The following SULF2 variants were observed in gnomAD, a reference collection of about 807,000 sequenced individuals.
SULF2 encodes the protein extracellular sulfatase Sulf-2.
SULF2 carries 52 observed loss-of-function variants against 107.7 expected under a neutral mutation model. The observed-to-expected ratio is 0.48, with a 90% CI of 0.39 to 0.61. The LOEUF is 0.61. Ranked by LOEUF, SULF2 falls within the 20% of genes least tolerant of loss-of-function variation. SULF2 has a pLI of 0.00. For missense variants in SULF2, 993 were observed against 1,177.3 expected (o/e 0.84, Z 2.29); for synonymous variants, 460 against 464.3 (o/e 0.99, Z 0.12).
chr20:47,676,400 G>A lies in SULF2; in HGVS notation c.1380+94C>T, dbSNP rs6125070. 4.2e-6 allele frequency: 6 copies of A among 1,438,528 alleles called. No homozygotes were observed. In the African/African-American group the frequency reaches 5.6e-5, roughly 13 times the overall value. The allele number at this position is 1,438,528 out of a possible 1,614,324, so 89.1% of individuals were successfully genotyped here. ...AAAGGACTACCCGTTGGGAGGCCCT[G>A]GCCCTGCTGGCTCAGCGGCTCTCAG... On this transcript the variant is annotated intron_variant, in intron 10 of 20. Coordinates refer to ENST00000688720, the MANE Select transcript of SULF2 (RefSeq NM_001387048.1).
rs143974642 is a variant in SULF2 at position 47,702,491 on chromosome 20, C to G, written c.567+28G>C. ...CTCTAACTGCTGGGCCACACAGCCACTCCCAGGCTGGAAAGGTTGCAGCTT... is the reference window on the plus strand; with the variant it reads ...CTCTAACTGCTGGGCCACACAGCCAGTCCCAGGCTGGAAAGGTTGCAGCTT... On this transcript the variant is annotated intron_variant, in intron 4 of 20. Transcript: ENST00000688720. The G allele has an allele frequency of 2.8e-4, 453 of 1,605,912 alleles. 1 individual carries two copies. The African/African-American group carries it at 5.1e-3, about 18-fold the overall frequency.
At chr20:47,732,326 G>A (rs2089632551) in intron 3 of SULF2, among the ~76,000 whole-genome samples, 1 of 152,214 alleles carries the variant, frequency 6.6e-6, no homozygotes, top group Non-Finnish European at 1.5e-5. Flanking sequence ...AGACACAGAA[G>A]CTAAATAACT....
intron 1 of SULF2, among the ~76,000 whole-genome samples, chr20:47,757,948 C>T (rs1480621493): frequency 6.6e-6 from 1 of 152,012 alleles, no homozygotes; most frequent in Non-Finnish European, 1.5e-5. Flanking sequence ...TAAACGAGAG[C>T]CTGGAGCTGG....
At chr20:47,781,552 C>T (rs1327147388) in intron 1 of SULF2, among the ~76,000 whole-genome samples, 1 of 152,156 alleles carries the variant, frequency 6.6e-6, no homozygotes. Context: ...TTGTTCTTTC[C>T]TTTTGGGCTT....
At chr20:47,717,715 G>T (rs6063141) in intron 3 of SULF2, among the ~76,000 whole-genome samples, 22,948 of 152,120 alleles carry the variant, frequency 0.15, 1,957 homozygotes, top group Non-Finnish European at 0.2. Flanking sequence ...CCAGGACCCG[G>T]GCACTTTGCC....
chr20:47,724,739 C>G (rs2089391619), intron 3 of SULF2, among the ~76,000 whole-genome samples: 1 of 152,122 alleles, frequency 6.6e-6, no homozygotes, highest in African/African-American at 2.4e-5. Context: ...AGAAAATCCA[C>G]AACAGACCCT....
chr20:47,657,993 A>G lies in SULF2; in HGVS notation c.*369T>C. Reference sequence around the variant, plus strand: ...AGGACTGCTTTTCCCCTATGATTTAAAAATTCCAATGACTTTCGCCCTTGG... The same window carrying G: ...AGGACTGCTTTTCCCCTATGATTTAGAAATTCCAATGACTTTCGCCCTTGG... On this transcript the variant is annotated 3_prime_UTR_variant, in exon 21 of 21. Transcript: ENST00000688720. The G allele has an allele frequency of 3.6e-6, 1 of 280,440 alleles. No homozygotes were observed. The allele number at this position is 280,440 out of a possible 1,614,324, so 17.4% of individuals were successfully genotyped here. A position where few individuals can be genotyped will look rare whatever the true frequency, so the allele number is the denominator to read the frequency against.
intron 5 of SULF2, among the ~76,000 whole-genome samples, chr20:47,688,006 T>C (rs1231957551): frequency 6.6e-6 from 1 of 152,108 alleles, no homozygotes; most frequent in Non-Finnish European, 1.5e-5. Flanking sequence ...TGTGTCTGTA[T>C]GTATGTGACT....
chr20:47,781,895 G>A (rs531365201), intron 1 of SULF2, among the ~76,000 whole-genome samples: 1 of 152,162 alleles, frequency 6.6e-6, no homozygotes, highest in Non-Finnish European at 1.5e-5. Flanking sequence ...TCAGCCTCAT[G>A]GAAGGCAGAG....
chr20:47,746,699 G>A (rs1367739537), intron 2 of SULF2, among the ~76,000 whole-genome samples: 1 of 152,120 alleles, frequency 6.6e-6, no homozygotes, highest in Non-Finnish European at 1.5e-5. Flanking sequence ...CATGGATGAA[G>A]CTCGAAACCA....
Position 47,784,122 on chromosome 20 carries a change from C to G in SULF2, c.-101+1221G>C, listed in dbSNP as rs78761294. Among the ~76,000 whole-genome samples the G allele has an allele frequency of 5.7e-3, 868 of 152,238 alleles. 8 individuals carry two copies. The highest frequency in any genetic ancestry group is 0.02 in the African/African-American group (832 of 41,528). ...CAGAGAAAGCCCGTCTCTCCTGCTC[C>G]CTGTCTCCCCCTGAGAACCTGCTCC... is the stretch of plus-strand genomic sequence containing the variant. On this transcript the variant is annotated intron_variant, in intron 1 of 20. Transcript: ENST00000688720.
At chr20:47,782,711 A>AT (rs1200622179) in intron 1 of SULF2, among the ~76,000 whole-genome samples, 4 of 152,096 alleles carry the variant, frequency 2.6e-5, no homozygotes, top group African/African-American at 9.7e-5. Context: ...TTCCCTTTGC[A>AT]TTTTGACTGG....
At chr20:47,702,038 T>C (rs1461780273) in intron 4 of SULF2, among the ~76,000 whole-genome samples, 2 of 152,154 alleles carry the variant, frequency 1.3e-5, no homozygotes, top group African/African-American at 2.4e-5. Context: ...ACAGACACTA[T>C]TTTTTGAGAA....
intron 3 of SULF2, among the ~76,000 whole-genome samples, chr20:47,713,050 G>A (rs533481176): frequency 6.6e-6 from 1 of 152,122 alleles, no homozygotes; most frequent in Admixed American, 6.5e-5. Flanking sequence ...GGGGGGCAGG[G>A]GTGGGGGGAG....
intron 6 of SULF2, chr20:47,684,192 A>G (rs1419495466): frequency 2.5e-6 from 1 of 407,242 alleles, no homozygotes; most frequent in Non-Finnish European, 4.3e-6. Context: ...AGGAAAAAAT[A>G]TAACTAGCAT....
intron 1 of SULF2, among the ~76,000 whole-genome samples, chr20:47,779,362 T>C (rs79490504): frequency 0.021 from 3,155 of 152,264 alleles, 44 homozygotes; most frequent in Non-Finnish European, 0.032. Context: ...CCTCACTCTG[T>C]AATCCAATCC....
intron 1 of SULF2, among the ~76,000 whole-genome samples, chr20:47,760,942 T>C (rs993004040): frequency 2.0e-5 from 3 of 152,340 alleles, no homozygotes; most frequent in Admixed American, 6.5e-5. Flanking sequence ...TGGTTAAGGA[T>C]GTGGACTTTG....
At chr20:47,768,902 G>A (rs1321426925) in intron 1 of SULF2, among the ~76,000 whole-genome samples, 1 of 88,760 alleles carries the variant, frequency 1.1e-5, no homozygotes, top group African/African-American at 3.7e-5. Context: ...TTTTTTTTGA[G>A]ATGGAGTCTC....
intron 2 of SULF2, among the ~76,000 whole-genome samples, chr20:47,746,251 C>T (rs1326422807): frequency 6.6e-6 from 1 of 152,226 alleles, no homozygotes; most frequent in East Asian, 1.9e-4. Context: ...GCCCAGAGAC[C>T]TGCAGAGAAC....
Sources: gnomAD v4.1 joint callset for allele counts (sites outside exome capture counted in the v4.1 genomes callset) on GRCh38, gnomAD v4.1.1 for gene constraint, MANE v1.5 for transcripts, NCBI Gene and HGNC (gene_info 2026-07-23, HGNC 2026-07-21) for gene names.